The following SPEF2 variants were observed in gnomAD, a reference collection of about 807,000 sequenced individuals.
SPEF2 encodes the protein sperm flagella and cilia-associated protein 2.
Under a neutral mutation model 224.6 loss-of-function variants are expected in SPEF2, and 187 were observed. That is an observed-to-expected ratio of 0.83 (90% CI 0.74 to 0.94). The LOEUF is 0.94. Among genes scored for constraint, SPEF2 ranks in the 40% least tolerant of loss-of-function variants. SPEF2 has a pLI of 0.00. For missense variants in SPEF2, 2,170 were observed against 2,135.6 expected, an observed-to-expected ratio of 1.02 and a Z score of -0.32; for synonymous variants, 715 against 707.3, an observed-to-expected ratio of 1.01 and a Z score of -0.17.
intron 8 of SPEF2, 39 bp from the exon 9 acceptor site, chr5:35,667,033 C>T (rs1174308007): frequency 6.5e-7 from 1 of 1,533,220 alleles, no homozygotes; most frequent in Non-Finnish European, 8.8e-7. Flanking sequence ...TTATTTGATT[C>T]AATTATAGTG....
chr5:35,703,108 T>A (rs1193578369), intron 16 of SPEF2, among the ~76,000 whole-genome samples: 10 of 104,662 alleles, frequency 9.6e-5, no homozygotes, highest in South Asian at 5.4e-4. Context: ...TTTTATTTTT[T>A]TTTTTATTCT....
intron 21 of SPEF2, among the ~76,000 whole-genome samples, chr5:35,739,492 C>T (rs928207440): frequency 1.1e-4 from 16 of 152,182 alleles, no homozygotes; most frequent in African/African-American, 3.9e-4. Flanking sequence ...AAGCAATTCT[C>T]CTGCCTCTGC....
chr5:35,780,534 G>A (rs937491599), intron 30 of SPEF2, among the ~76,000 whole-genome samples: 5 of 152,108 alleles, frequency 3.3e-5, no homozygotes, highest in South Asian at 2.1e-4. Flanking sequence ...CCATCAGCAG[G>A]TACAAAAAAT....
At chr5:35,765,364 A>G (rs1051519061) in intron 26 of SPEF2, among the ~76,000 whole-genome samples, 2 of 152,108 alleles carry the variant, frequency 1.3e-5, no homozygotes, top group Admixed American at 6.6e-5. Flanking sequence ...TGGGTTTCCA[A>G]TTTGGTGTCG....
intron 7 of SPEF2, among the ~76,000 whole-genome samples, chr5:35,657,357 T>C (rs1749101218): frequency 6.6e-6 from 1 of 152,092 alleles, no homozygotes; most frequent in African/African-American, 2.4e-5. Context: ...AATGATGAGA[T>C]TTAAAGTTAT....
chr5:35,673,753 G>C (rs1751502530), intron 10 of SPEF2, among the ~76,000 whole-genome samples: 1 of 152,150 alleles, frequency 6.6e-6, no homozygotes, highest in African/African-American at 2.4e-5. Context: ...TACAGTGTGT[G>C]TTATAATGTA....
At chr5:35,808,302 A>G (rs191639513) in intron 36 of SPEF2, 30 of 395,798 alleles carry the variant, frequency 7.6e-5, no homozygotes, top group Non-Finnish European at 9.9e-5. Context: ...CACAACGTGC[A>G]GGTTTGTTAC....
intron 30 of SPEF2, chr5:35,791,076 C>A (rs1755885223): frequency 6.6e-6 from 1 of 152,162 alleles, no homozygotes; most frequent in South Asian, 2.1e-4. Context: ...TCAGTGGATT[C>A]TATTAATGGC....
rs773118756 is a variant in SPEF2, at chr5:35,771,609, G to C, written c.3802G>C (p.Val1268Leu). The C allele has an allele frequency of 1.3e-6, 2 of 1,589,626 alleles. No homozygotes were observed. Among genetic ancestry groups the C allele is most frequent in the Admixed American group, 1.9e-5 (1 of 52,168 alleles). ...TGAAATATTGCTGTTACGCAACCAG[G>C]TGGCTGCTGAAATTCATCAGAGGCT... The part of the protein sequence containing the change: ...QQASLAVSHM[V>L]AAEIHQRLME... The change falls in exon 27 of 37, where the codon GTG becomes CTG. Residue 1268 changes from valine to leucine, a missense_variant and splice_region_variant. By Grantham distance (32) the Val-to-Leu change is conservative (BLOSUM62 1). Transcript: ENST00000356031.
chr5:35,810,609 T>C (rs1758478362), intron 36 of SPEF2, among the ~76,000 whole-genome samples: 1 of 152,198 alleles, frequency 6.6e-6, no homozygotes, highest in Non-Finnish European at 1.5e-5. Context: ...GTCCCAAGTG[T>C]GGCAGAATAC....
chr5:35,675,763 T>G (rs1459271966), intron 10 of SPEF2: 3 of 338,306 alleles, frequency 8.9e-6, no homozygotes, highest in Admixed American at 7.3e-5. Flanking sequence ...AGCACACTGA[T>G]TCTAACTTAA....
chr5:35,643,918 C>G (rs753272829), intron 3 of SPEF2, among the ~76,000 whole-genome samples: 2 of 152,094 alleles, frequency 1.3e-5, no homozygotes, highest in Non-Finnish European at 2.9e-5. Flanking sequence ...AAAGCTGAAA[C>G]ACAAACCTAG....
At position 35,776,411 on chromosome 5, in the gene SPEF2, A is replaced by G; in HGVS notation, c.4217+16A>G. ...AAATGGCCAGGTAAAGTACTACATG[A>G]CTTTCTGAAAATATGCTTTGTGTAT... On this transcript the variant is annotated intron_variant, in intron 29 of 36. Transcript: ENST00000356031. 1 of 1,589,048 alleles carries G rather than the reference A, an allele frequency of 6.3e-7. No homozygotes were observed. Among genetic ancestry groups the G allele is most frequent in the Non-Finnish European group, 8.5e-7 (1 of 1,171,392 alleles).
At chr5:35,633,393 T>G (rs1370046646) in intron 2 of SPEF2, among the ~76,000 whole-genome samples, 1 of 152,106 alleles carries the variant, frequency 6.6e-6, no homozygotes, top group African/African-American at 2.4e-5. Context: ...AATATTCTTA[T>G]TATCAAGTAA....
At chr5:35,667,845 G>A (rs1405999508) in intron 9 of SPEF2, among the ~76,000 whole-genome samples, 1 of 151,978 alleles carries the variant, frequency 6.6e-6, no homozygotes, top group Non-Finnish European at 1.5e-5. Flanking sequence ...TTCAAAAATA[G>A]GCAAAAGATA....
At chr5:35,619,168 A>G (rs1353933035) in intron 1 of SPEF2, among the ~76,000 whole-genome samples, 1 of 152,196 alleles carries the variant, frequency 6.6e-6, no homozygotes, top group Non-Finnish European at 1.5e-5. Context: ...GTGAACTGCA[A>G]TAAATTCTTT....
At chr5:35,761,579 G>C (rs1304258608) in intron 25 of SPEF2, among the ~76,000 whole-genome samples, 1 of 152,000 alleles carries the variant, frequency 6.6e-6, no homozygotes, top group East Asian at 1.9e-4. Context: ...TGTCAGGCCC[G>C]TGTGTACACA....
chr5:35,646,657 G>T lies in SPEF2; in HGVS notation c.586-10G>T. Reference sequence around the variant, plus strand: ...CTGAATCACTAAACTAATGTATATGGGATATTCAGCAATACTTAAACAGAA... The same window carrying T: ...CTGAATCACTAAACTAATGTATATGTGATATTCAGCAATACTTAAACAGAA... On this transcript the variant is annotated splice_polypyrimidine_tract_variant and intron_variant, in intron 4 of 36. Coordinates refer to ENST00000356031, the MANE Select transcript of SPEF2 (RefSeq NM_024867.4). The T allele has an allele frequency of 6.2e-7, 1 of 1,611,836 alleles. No homozygotes were observed. Among genetic ancestry groups the T allele is most frequent in the South Asian group, 1.1e-5 (1 of 90,738 alleles).
intron 36 of SPEF2, among the ~76,000 whole-genome samples, chr5:35,812,171 G>T (rs1218414902): frequency 6.6e-6 from 1 of 152,110 alleles, no homozygotes; most frequent in Non-Finnish European, 1.5e-5. Flanking sequence ...TAGTTACCGT[G>T]CACAAGAAAT....
Sources: allele counts gnomAD v4.1 joint callset (sites outside exome capture counted in the v4.1 genomes callset), GRCh38; gene constraint gnomAD v4.1.1; transcripts MANE v1.5; gene names NCBI Gene and HGNC (gene_info 2026-07-23, HGNC 2026-07-21).